The following SYN3 variants were observed in gnomAD, a reference collection of about 807,000 sequenced individuals.
SYN3 encodes the protein synapsin-3.
SYN3 carries 35 observed loss-of-function variants against 65.8 expected under a neutral mutation model. The ratio of observed to expected loss-of-function variants is 0.53; its 90% CI spans 0.41 to 0.70. The LOEUF (loss-of-function observed/expected upper bound fraction) is 0.70, where lower values mean the gene tolerates loss of function less well. Ranked by LOEUF, SYN3 falls within the 30% of genes least tolerant of loss-of-function variation. The pLI is 0.00. For missense variants in SYN3, 680 were observed against 749.0 expected, an observed-to-expected ratio of 0.91 and a Z score of 1.08; for synonymous variants, 270 against 292.9, an observed-to-expected ratio of 0.92 and a Z score of 0.80.
chr22:33,043,834 C>T (rs920451153), intron 1 of SYN3, among the ~76,000 whole-genome samples: 11 of 152,130 alleles, frequency 7.2e-5, no homozygotes, highest in Admixed American at 3.9e-4. Context: ...GCAGGCAGAT[C>T]ATGAGGTCAA....
At chr22:32,569,571 CTA>C (rs1555898682) in intron 7 of SYN3, among the ~76,000 whole-genome samples, 65 of 90,926 alleles carry the variant, frequency 7.1e-4, no homozygotes, top group Middle Eastern at 6.8e-3. Context: ...CTCTCTCTCT[CTA>C]TATATATATA....
At chr22:32,938,443 T>A (rs2050837291) in intron 3 of SYN3, among the ~76,000 whole-genome samples, 1 of 147,650 alleles carries the variant, frequency 6.8e-6, no homozygotes, top group Non-Finnish European at 1.5e-5. Flanking sequence ...GACAGGAGAA[T>A]CGCATGAACC....
chr22:32,589,525 T>C (rs12160164), intron 7 of SYN3, among the ~76,000 whole-genome samples: 2,770 of 152,282 alleles, frequency 0.018, 87 homozygotes, highest in African/African-American at 0.063. Context: ...ACATAATACT[T>C]AATCTCTTGA....
intron 7 of SYN3, among the ~76,000 whole-genome samples, chr22:32,569,550 TC>T (rs2058726358): frequency 3.1e-5 from 2 of 63,840 alleles, no homozygotes; most frequent in Non-Finnish European, 5.2e-5. Flanking sequence ...TCTCTCTCTC[TC>T]TCTCTCTCTC....
At chr22:32,870,094 T>C (rs1381450390) in intron 4 of SYN3, among the ~76,000 whole-genome samples, 1 of 152,192 alleles carries the variant, frequency 6.6e-6, no homozygotes, top group Non-Finnish European at 1.5e-5. Flanking sequence ...GCTGGGGCAA[T>C]AGGGAGCACT....
chr22:32,688,675 C>T (rs1371290049), intron 6 of SYN3, among the ~76,000 whole-genome samples: 1 of 151,714 alleles, frequency 6.6e-6, no homozygotes, highest in Non-Finnish European at 1.5e-5. Context: ...TTCACCTGCT[C>T]CTCAGGCAGA....
At chr22:32,533,137 G>A (rs2058105657) in intron 10 of SYN3, among the ~76,000 whole-genome samples, 1 of 151,962 alleles carries the variant, frequency 6.6e-6, no homozygotes, top group Non-Finnish European at 1.5e-5. Flanking sequence ...GAGAGGCATG[G>A]GCTGCTGGAG....
At chr22:32,977,820 G>GT (rs755287709) in intron 3 of SYN3, among the ~76,000 whole-genome samples, 2 of 151,606 alleles carry the variant, frequency 1.3e-5, no homozygotes, top group Non-Finnish European at 2.9e-5. Flanking sequence ...GAATCTATCA[G>GT]TTATTCATCC....
chr22:32,533,745 G>T, intron 10 of SYN3, 48 bp downstream of exon 10: 2 of 1,378,942 alleles, frequency 1.5e-6, no homozygotes, highest in Non-Finnish European at 2.1e-6. Context: ...CCCCTGGCAC[G>T]CCTGCCAGGC....
intron 7 of SYN3, among the ~76,000 whole-genome samples, chr22:32,563,104 C>T (rs957220831): frequency 6.6e-6 from 1 of 152,272 alleles, no homozygotes; most frequent in Non-Finnish European, 1.5e-5. Flanking sequence ...CACCGATTGC[C>T]ATAACCTCAT....
intron 1 of SYN3, among the ~76,000 whole-genome samples, chr22:33,038,378 C>G (rs1601945786): frequency 6.6e-6 from 1 of 152,232 alleles, no homozygotes; most frequent in East Asian, 1.9e-4. Flanking sequence ...TCCTCCAGCT[C>G]TGCAGAAAAC....
At chr22:32,780,287 G>C (rs140948482) in intron 6 of SYN3, among the ~76,000 whole-genome samples, 2 of 152,012 alleles carry the variant, frequency 1.3e-5, no homozygotes, top group Non-Finnish European at 2.9e-5. Context: ...GGGGGGTGCC[G>C]GGAGGTGAAT....
At chr22:32,850,004 A>G (rs2048174973) in intron 6 of SYN3, among the ~76,000 whole-genome samples, 1 of 151,500 alleles carries the variant, frequency 6.6e-6, no homozygotes, top group South Asian at 2.1e-4. Flanking sequence ...CAGCCCTCAA[A>G]TCTTTACATG....
chr22:32,652,386 TTTTTTTGGAAAAAAAAAAGTTTTC>T (rs932790498), intron 6 of SYN3, among the ~76,000 whole-genome samples: 7 of 151,082 alleles, frequency 4.6e-5, no homozygotes, highest in African/African-American at 1.7e-4. Flanking sequence ...CAAGTTTTTT[TTTTTTTGGAAAAAAAAAAGTTTTC>T]TTTTTTGGAA....
chr22:32,582,901 C>A (rs2058970275), intron 7 of SYN3, among the ~76,000 whole-genome samples: 1 of 152,188 alleles, frequency 6.6e-6, no homozygotes, highest in East Asian at 1.9e-4. Flanking sequence ...CAGCCTCCTC[C>A]ATCGACCTGC....
At chr22:32,831,315 G>A (rs1221348196) in intron 6 of SYN3, among the ~76,000 whole-genome samples, 1 of 152,174 alleles carries the variant, frequency 6.6e-6, no homozygotes, top group Non-Finnish European at 1.5e-5. Context: ...GTGTCCCTGG[G>A]AATTGAAGGG....
At chr22:32,524,938 C>A (rs185242571) in intron 12 of SYN3, among the ~76,000 whole-genome samples, 4 of 152,244 alleles carry the variant, frequency 2.6e-5, no homozygotes, top group African/African-American at 9.6e-5. Context: ...GAACCAGGAC[C>A]CGCGAGGTGG....
intron 6 of SYN3, among the ~76,000 whole-genome samples, chr22:32,659,803 C>T (rs919409906): frequency 3.3e-5 from 5 of 152,102 alleles, no homozygotes; most frequent in Non-Finnish European, 4.4e-5. Context: ...CAAGTTGGCC[C>T]GCCCACCAGT....
At chr22:32,555,049 C>T (rs1313251802) in intron 7 of SYN3, among the ~76,000 whole-genome samples, 1 of 152,148 alleles carries the variant, frequency 6.6e-6, no homozygotes, top group Non-Finnish European at 1.5e-5. Flanking sequence ...TTTTTATACC[C>T]CTAGCACCCA....
Sources: allele counts gnomAD v4.1 joint callset (sites outside exome capture counted in the v4.1 genomes callset), GRCh38; gene constraint gnomAD v4.1.1; transcripts MANE v1.5; gene names NCBI Gene and HGNC (gene_info 2026-07-23, HGNC 2026-07-21).